ZMYND11: variants seen among roughly 807,000 people sequenced by gnomAD.
ZMYND11 encodes zinc finger MYND-type containing 11, also known as zinc finger MYND domain-containing protein 11.
ZMYND11 carries 9 observed loss-of-function variants against 84.9 expected under a neutral mutation model. That is an observed-to-expected ratio of 0.11 (90% CI 0.06 to 0.18). ZMYND11 has a LOEUF of 0.18. Among genes scored for constraint, ZMYND11 ranks in the 10% least tolerant of loss-of-function variants. ZMYND11 has a pLI of 1.00. For synonymous variants in ZMYND11, 250 were observed against 244.1 expected (o/e 1.02, Z -0.23); for missense variants, 409 against 761.0 (o/e 0.54, Z 5.44).
At chr10:215,214 A>G (rs921865336) in intron 3 of ZMYND11, among the ~76,000 whole-genome samples, 1 of 152,212 alleles carries the variant, frequency 6.6e-6, no homozygotes, top group Non-Finnish European at 1.5e-5. Flanking sequence ...TCTTTGCTGT[A>G]AAACTACTTC....
At chr10:147,769 C>G (rs1450254493) in intron 1 of ZMYND11, 2 of 151,586 alleles carry the variant, frequency 1.3e-5, no homozygotes, top group East Asian at 3.9e-4. Flanking sequence ...CCCTGATGGT[C>G]ACAGATATAA....
intron 11 of ZMYND11, 92 bp downstream of exon 11, chr10:247,065 T>C (rs2131931663): frequency 7.7e-7 from 1 of 1,305,398 alleles, no homozygotes; most frequent in Non-Finnish European, 1.1e-6. Flanking sequence ...GAACAGATTT[T>C]GACGTTCTCC....
At chr10:236,430 G>A (rs912549166) in intron 4 of ZMYND11, among the ~76,000 whole-genome samples, 1 of 152,192 alleles carries the variant, frequency 6.6e-6, no homozygotes, top group African/African-American at 2.4e-5. Flanking sequence ...CCTTTTAAAC[G>A]AAGAATAATG....
At chr10:248,651 C>A (rs746856578) in intron 13 of ZMYND11, 43 bp downstream of exon 13, 8 of 1,555,032 alleles carry the variant, frequency 5.1e-6, no homozygotes, top group Non-Finnish European at 6.9e-6. Context: ...GCAGCCGGCA[C>A]TCCTGTCATG....
intron 14 of ZMYND11, 119 bp downstream of exon 14, chr10:249,207 T>G: frequency 2.6e-6 from 4 of 1,528,744 alleles, no homozygotes; most frequent in Middle Eastern, 2.4e-4. Flanking sequence ...AGATCAAATG[T>G]GAAATGGTCA....
chr10:193,956 T>A (rs1481431277), intron 2 of ZMYND11, among the ~76,000 whole-genome samples: 1 of 152,168 alleles, frequency 6.6e-6, no homozygotes, highest in African/African-American at 2.4e-5. Flanking sequence ...ATTAAAAAAT[T>A]CATTAATCTA....
Position 135,922 on chromosome 10 carries a change from G to A in ZMYND11, c.-20+363G>A, listed in dbSNP as rs1369892615. Among the ~76,000 whole-genome samples the A allele has an allele frequency of 6.6e-6, 1 of 151,534 alleles. No homozygotes were observed. The highest frequency in any genetic ancestry group is 1.5e-5 in the Non-Finnish European group (1 of 67,804). On this transcript the variant is annotated intron_variant, in intron 1 of 14. Transcript: ENST00000381604. This position sits in a 1 kb window ranked among gnomAD's most constrained non-coding sequence, Gnocchi z 5.6. The stretch of plus-strand genomic sequence containing the variant: ...GCGTGAGCACCGCCCGCCGGGCCCT[G>A]TGCCCCGCTTTCGGTCAGGCCTCCT...
chr10:140,078 C>T (rs1564250701), intron 1 of ZMYND11, among the ~76,000 whole-genome samples: 2 of 152,164 alleles, frequency 1.3e-5, no homozygotes, highest in South Asian at 2.1e-4. Flanking sequence ...GTAGCACACT[C>T]TTATAATTGC....
In ZMYND11 at chr10:135,570, C is replaced by A. The variant is rs1429723694; in HGVS notation, c.-20+11C>A. ...AGCCGGAGCATAATGGTGGGGAAAG[C>A]TCGGCGGCGGGGCGGCGGGGCGGGC... On this transcript the variant is annotated intron_variant, in intron 1 of 14. Coordinates refer to ENST00000381604, the MANE Select transcript of ZMYND11 (RefSeq NM_001370100.5). The surrounding 1 kb of genome is among the most constrained non-coding windows in gnomAD (Gnocchi z 5.6). 5 of 150,042 alleles carry A rather than the reference C, an allele frequency of 3.3e-5. No homozygotes were observed. The highest frequency in any genetic ancestry group is 1.5e-5 in the Non-Finnish European group (1 of 67,008). The allele number at this position is 150,042 out of a possible 1,614,324, so 9.3% of individuals were successfully genotyped here. A position where few individuals can be genotyped will look rare whatever the true frequency, so the allele number is the denominator to read the frequency against.
intron 2 of ZMYND11, among the ~76,000 whole-genome samples, chr10:207,881 A>C (rs1468605161): frequency 6.6e-6 from 1 of 152,220 alleles, no homozygotes; most frequent in Non-Finnish European, 1.5e-5. Flanking sequence ...GCATCACGCT[A>C]CCTGACTTCA....
chr10:168,089 T>C (rs1844430663), intron 1 of ZMYND11, among the ~76,000 whole-genome samples: 1 of 152,110 alleles, frequency 6.6e-6, no homozygotes, highest in Non-Finnish European at 1.5e-5. Flanking sequence ...GTAAAAGTTA[T>C]TAGGGGCATG....
In ZMYND11 at chr10:167,896, A is replaced by G. The variant is rs561291647; in HGVS notation, c.-19-12098A>G. 6.1e-4 allele frequency among the ~76,000 whole-genome samples: 93 copies of G among 152,234 alleles called. No individual in the cohort carries two copies. The South Asian group carries it at 0.015, about 24-fold the overall frequency. On this transcript the variant is annotated intron_variant, in intron 1 of 14. Transcript: ENST00000381604. ...GTTTAGTGTATTTAAATGCATTTAT[A>G]ATGTGCAATTCTCACCATCATCCAT...
At chr10:226,793 A>C (rs1948216802) in intron 4 of ZMYND11, among the ~76,000 whole-genome samples, 3 of 152,194 alleles carry the variant, frequency 2.0e-5, no homozygotes, top group Admixed American at 1.3e-4. Context: ...TGATAATATT[A>C]AAATTTTATA....
intron 10 of ZMYND11, among the ~76,000 whole-genome samples, chr10:243,319 G>A (rs957069686): frequency 2.6e-5 from 4 of 152,092 alleles, no homozygotes; most frequent in Admixed American, 6.6e-5. Flanking sequence ...AAGGAATAAC[G>A]GGGGAAAGTT....
At chr10:251,964 G>T (rs1038198565) in intron 14 of ZMYND11, among the ~76,000 whole-genome samples, 1 of 152,174 alleles carries the variant, frequency 6.6e-6, no homozygotes, top group Non-Finnish European at 1.5e-5. Flanking sequence ...TGTTAACGAC[G>T]AGAGAAGAAT....
At chr10:156,686 A>C (rs1841797149) in intron 1 of ZMYND11, among the ~76,000 whole-genome samples, 1 of 152,196 alleles carries the variant, frequency 6.6e-6, no homozygotes, top group African/African-American at 2.4e-5. Context: ...GAGAACCATA[A>C]ATTTGGAAGT....
chr10:244,852 G>C (rs1241266494), intron 10 of ZMYND11, among the ~76,000 whole-genome samples: 2 of 152,226 alleles, frequency 1.3e-5, no homozygotes, highest in East Asian at 3.8e-4. Flanking sequence ...AAGGAGAATA[G>C]AAGTACATTT....
chr10:237,479 CA>C, intron 5 of ZMYND11, 105 bp from the exon 6 acceptor site: 1 of 677,178 alleles, frequency 1.5e-6, no homozygotes, highest in Non-Finnish European at 2.3e-6. Flanking sequence ...CCTGTCTCTA[CA>C]AAAATAAAAA....
At chr10:202,913 T>C (rs1943487495) in intron 2 of ZMYND11, among the ~76,000 whole-genome samples, 1 of 152,124 alleles carries the variant, frequency 6.6e-6, no homozygotes, top group Non-Finnish European at 1.5e-5. Context: ...GAAAACCCAT[T>C]GTGTGGTGAA....
Sources: gnomAD v4.1 joint callset for allele counts (sites outside exome capture counted in the v4.1 genomes callset) on GRCh38, gnomAD v4.1.1 for gene constraint, Gnocchi (gnomAD v3.1) non-coding constraint, MANE v1.5 for transcripts, NCBI Gene and HGNC (gene_info 2026-07-23, HGNC 2026-07-21) for gene names.